OXR1: variants seen among roughly 807,000 people sequenced by gnomAD.
OXR1 encodes the protein oxidation resistance 1, also known as oxidation resistance protein 1.
Under a neutral mutation model 104.6 loss-of-function variants are expected in OXR1, and 41 were observed. That is an observed-to-expected ratio of 0.39 (90% confidence interval 0.31 to 0.51). OXR1 has a LOEUF of 0.51. OXR1 is among the 20% of genes least tolerant of loss of function. The pLI is 0.77. For synonymous variants in OXR1, 348 were observed against 348.4 expected (o/e 1.00, Z 0.01); for missense variants, 955 against 1,031.9 (o/e 0.93, Z 1.02).
chr8:106,597,913 C>G (rs556474591), intron 3 of OXR1, among the ~76,000 whole-genome samples: 3 of 152,304 alleles, frequency 2.0e-5, no homozygotes, highest in African/African-American at 7.2e-5. Context: ...GCTAAGCTCT[C>G]CCTTTCTTGC....
chr8:106,412,861 T>TAATG (rs981018786), intron 2 of OXR1, among the ~76,000 whole-genome samples: 18 of 152,110 alleles, frequency 1.2e-4, no homozygotes, highest in African/African-American at 4.3e-4. Context: ...CATTACAGGG[T>TAATG]AATGACGTGT....
chr8:106,739,442 C>G lies in OXR1; in HGVS notation c.2038-16C>G, dbSNP rs377710862. The G allele has an allele frequency of 1.8e-5, 29 of 1,607,454 alleles. No homozygotes were observed. Among genetic ancestry groups the G allele is most frequent in the Non-Finnish European group, 2.3e-5 (27 of 1,175,632 alleles). ...ACAAGTTTACATTAATGCACTACCT[C>G]TATTTACTGTTTTAGATTACTACAA... On this transcript the variant is annotated splice_polypyrimidine_tract_variant and intron_variant, in intron 12 of 16. Coordinates refer to ENST00000517566, the MANE Select transcript of OXR1 (RefSeq NM_001198533.2).
intron 1 of OXR1, among the ~76,000 whole-genome samples, chr8:106,323,684 T>C (rs1380789693): frequency 6.6e-6 from 1 of 151,450 alleles, no homozygotes; most frequent in East Asian, 1.9e-4. Flanking sequence ...AAAACCCCAT[T>C]AAAAAGTGCG....
At chr8:106,522,878 G>A (rs1264394511) in intron 3 of OXR1, 3 of 152,114 alleles carry the variant, frequency 2.0e-5, no homozygotes, top group Admixed American at 6.5e-5. Flanking sequence ...AAATAACACC[G>A]ATTTATGAAC....
intron 2 of OXR1, among the ~76,000 whole-genome samples, chr8:106,403,088 C>T (rs950228178): frequency 6.6e-6 from 1 of 152,156 alleles, no homozygotes; most frequent in African/African-American, 2.4e-5. Context: ...CCGAAGGGGT[C>T]CTGATTCTTT....
chr8:106,727,396 C>T (rs1483893629), intron 11 of OXR1, among the ~76,000 whole-genome samples: 5 of 152,042 alleles, frequency 3.3e-5, no homozygotes, highest in South Asian at 2.1e-4. Context: ...ACAGTCACCA[C>T]GTCCAAGGCC....
At chr8:106,648,983 T>A (rs905090323) in intron 3 of OXR1, among the ~76,000 whole-genome samples, 17 of 152,158 alleles carry the variant, frequency 1.1e-4, no homozygotes, top group Non-Finnish European at 1.5e-4. Flanking sequence ...GGCATGCAGA[T>A]CGTTTGAGCC....
At chr8:106,304,258 A>G (rs1252212984) in intron 1 of OXR1, among the ~76,000 whole-genome samples, 2 of 152,074 alleles carry the variant, frequency 1.3e-5, no homozygotes, top group Non-Finnish European at 2.9e-5. Flanking sequence ...TTGAAGACAT[A>G]TTTTCTTGGA....
chr8:106,403,601 AC>A (rs1189360516), intron 2 of OXR1, among the ~76,000 whole-genome samples: 1 of 152,184 alleles, frequency 6.6e-6, no homozygotes, highest in African/African-American at 2.4e-5. Flanking sequence ...GCCTACCCTA[AC>A]ATTCCAATCT....
intron 2 of OXR1, among the ~76,000 whole-genome samples, chr8:106,481,829 C>A (rs1428832435): frequency 6.6e-6 from 1 of 151,944 alleles, no homozygotes; most frequent in South Asian, 2.1e-4. Flanking sequence ...TTATTGTATT[C>A]TGTAGCATCT....
At chr8:106,577,925 G>T (rs1817972215) in intron 3 of OXR1, among the ~76,000 whole-genome samples, 1 of 152,110 alleles carries the variant, frequency 6.6e-6, no homozygotes, top group Admixed American at 6.5e-5. Flanking sequence ...AGCAACTACT[G>T]AATTCAGTTT....
intron 1 of OXR1, among the ~76,000 whole-genome samples, chr8:106,329,912 TC>T (rs1478805587): frequency 1.3e-5 from 2 of 149,014 alleles, no homozygotes; most frequent in Non-Finnish European, 1.5e-5. Flanking sequence ...AGAACTCAAT[TC>T]AAAAAAAAAA....
At chr8:106,728,409 G>A (rs2131504893) in intron 11 of OXR1, among the ~76,000 whole-genome samples, 1 of 152,148 alleles carries the variant, frequency 6.6e-6, no homozygotes, top group South Asian at 2.1e-4. Flanking sequence ...TACCTTGACA[G>A]TTTTCCAAAT....
At chr8:106,577,390 T>TA (rs59657146) in intron 3 of OXR1, among the ~76,000 whole-genome samples, 1,662 of 132,942 alleles carry the variant, frequency 0.013, 46 homozygotes, top group African/African-American at 0.044. Context: ...TTTTTTTTTT[T>TA]TTTTTTTTTT....
intron 3 of OXR1, among the ~76,000 whole-genome samples, chr8:106,596,765 G>A (rs973424300): frequency 3.3e-5 from 5 of 152,036 alleles, no homozygotes; most frequent in African/African-American, 7.2e-5. Flanking sequence ...GAACTAGTAC[G>A]TGGATGGGGC....
chr8:106,306,791 A>G (rs1813482505), intron 1 of OXR1, among the ~76,000 whole-genome samples: 1 of 152,198 alleles, frequency 6.6e-6, no homozygotes, highest in South Asian at 2.1e-4. Context: ...CTTGATTGGG[A>G]TGTTGGTTAC....
chr8:106,422,092 G>T (rs1818928671), intron 2 of OXR1, among the ~76,000 whole-genome samples: 1 of 152,040 alleles, frequency 6.6e-6, no homozygotes, highest in African/African-American at 2.4e-5. Flanking sequence ...GGAAGAAGAA[G>T]GGAAGAATTG....
chr8:106,658,064 G>A, intron 3 of OXR1: 2 of 1,248,538 alleles, frequency 1.6e-6, no homozygotes, highest in Non-Finnish European at 1.0e-6. Flanking sequence ...TGGGGTTCGG[G>A]GGCGGCGGCG....
At chr8:106,469,781 G>T (rs1208673989) in intron 2 of OXR1, among the ~76,000 whole-genome samples, 2 of 151,818 alleles carry the variant, frequency 1.3e-5, no homozygotes, top group Non-Finnish European at 2.9e-5. Context: ...CGATATGTTG[G>T]TAAAGCCTGA....
Sources: allele counts gnomAD v4.1 joint callset (sites outside exome capture counted in the v4.1 genomes callset), GRCh38; gene constraint gnomAD v4.1.1; transcripts MANE v1.5; gene names NCBI Gene and HGNC (gene_info 2026-07-23, HGNC 2026-07-21).